The following COL15A1 variants were observed in gnomAD, a reference collection of about 807,000 sequenced individuals.
COL15A1 encodes the protein collagen alpha-1(XV) chain.
In COL15A1, 111 loss-of-function variants were observed where a neutral mutation model predicts 165.9. The observed-to-expected ratio is 0.67, with a 90% CI of 0.57 to 0.78. The LOEUF is 0.78. COL15A1 is among the 30% of genes least tolerant of loss of function. The pLI, the probability that COL15A1 is intolerant of heterozygous loss-of-function variation, is 0.00. For synonymous variants in COL15A1, 659 were observed against 674.8 expected (o/e 0.98, Z 0.36); for missense variants, 1,745 against 1,789.7 (o/e 0.98, Z 0.45).
intron 12 of COL15A1, among the ~76,000 whole-genome samples, chr9:99,021,010 G>C (rs1464605911): frequency 6.6e-6 from 1 of 152,210 alleles, no homozygotes; most frequent in Non-Finnish European, 1.5e-5. Context: ...CAGTCACTGC[G>C]GGAATAACAA....
chr9:99,020,443 G>T lies in COL15A1; in HGVS notation c.1701+1G>T, dbSNP rs139218633. On this transcript the variant is annotated splice_donor_variant, in intron 12 of 41. Coordinates refer to ENST00000375001, the MANE Select transcript of COL15A1 (RefSeq NM_001855.5). LOFTEE classifies it high-confidence loss of function. ...ACAGGCTGGGCCCAAAGGAGAAAAG[G>T]TTTGTGCTGTGACCATCCTGGGGAA... The T allele has an allele frequency of 1.0e-3, 1,609 of 1,608,310 alleles. 4 individuals carry two copies. The highest frequency in any genetic ancestry group is 3.4e-3 in the South Asian group (305 of 90,948).
At chr9:99,054,305 G>C (rs1291251660) in intron 31 of COL15A1, among the ~76,000 whole-genome samples, 1 of 152,208 alleles carries the variant, frequency 6.6e-6, no homozygotes, top group Non-Finnish European at 1.5e-5. Context: ...TGCGCTGCTG[G>C]AACCTCAGTG....
intron 17 of COL15A1, 46 bp downstream of exon 17, chr9:99,034,630 T>TCCAC: frequency 1.6e-6 from 2 of 1,288,226 alleles, no homozygotes; most frequent in Non-Finnish European, 2.0e-6. Context: ...TTCTTCTCCC[T>TCCAC]CCTCCCCTTT....
At chr9:98,956,546 G>C (rs534091140) in intron 2 of COL15A1, among the ~76,000 whole-genome samples, 1 of 151,914 alleles carries the variant, frequency 6.6e-6, no homozygotes, top group Non-Finnish European at 1.5e-5. Context: ...ATGTGTATCT[G>C]TGTGTGTATT....
intron 2 of COL15A1, among the ~76,000 whole-genome samples, chr9:98,972,759 G>A (rs959576978): frequency 6.6e-6 from 1 of 152,214 alleles, no homozygotes; most frequent in Non-Finnish European, 1.5e-5. Context: ...GCATATGAGA[G>A]CAAGGTGAAC....
intron 23 of COL15A1, chr9:99,041,274 A>G (rs1839400852): frequency 6.6e-6 from 1 of 152,290 alleles, no homozygotes; most frequent in Non-Finnish European, 1.5e-5. Flanking sequence ...AAACAATAAT[A>G]ACAAATAGTT....
intron 9 of COL15A1, among the ~76,000 whole-genome samples, chr9:99,008,952 T>C (rs555705945): frequency 1.3e-5 from 2 of 152,356 alleles, no homozygotes; most frequent in East Asian, 1.9e-4. Flanking sequence ...AGAAAAGTTT[T>C]CTTGGCTCCG....
intron 24 of COL15A1, among the ~76,000 whole-genome samples, chr9:99,042,863 A>G (rs1011554646): frequency 1.3e-4 from 20 of 152,120 alleles, no homozygotes; most frequent in African/African-American, 4.8e-4. Context: ...TAAGGGGGAG[A>G]GTGACGTCCA....
intron 16 of COL15A1, among the ~76,000 whole-genome samples, chr9:99,032,586 T>G (rs77441060): frequency 6.6e-6 from 1 of 152,240 alleles, no homozygotes; most frequent in South Asian, 2.1e-4. Flanking sequence ...TGGAGACTTC[T>G]GTGTTTTTTC....
chr9:99,069,116 C>A (rs1825941955), intron 41 of COL15A1, among the ~76,000 whole-genome samples: 1 of 152,214 alleles, frequency 6.6e-6, no homozygotes, highest in African/African-American at 2.4e-5. Flanking sequence ...AACCTCTCCT[C>A]ACTGCCTACT....
intron 12 of COL15A1, among the ~76,000 whole-genome samples, chr9:99,021,297 T>C (rs1199540039): frequency 6.6e-6 from 1 of 152,162 alleles, no homozygotes; most frequent in Non-Finnish European, 1.5e-5. Context: ...GGGCCAGGGC[T>C]GGGGAGGGCG....
chr9:99,068,004 C>T (rs995162926), intron 40 of COL15A1, among the ~76,000 whole-genome samples: 9 of 152,184 alleles, frequency 5.9e-5, no homozygotes, highest in Non-Finnish European at 1.3e-4. Flanking sequence ...GGCTTGTATA[C>T]ACTTCTAATA....
intron 5 of COL15A1, among the ~76,000 whole-genome samples, chr9:98,993,950 G>A (rs1254923525): frequency 6.6e-6 from 1 of 152,164 alleles, no homozygotes; most frequent in African/African-American, 2.4e-5. Flanking sequence ...AGTGGTCAGG[G>A]ACTACAAAGT....
intron 2 of COL15A1, among the ~76,000 whole-genome samples, chr9:98,955,529 C>A (rs1455157783): frequency 6.6e-6 from 1 of 151,934 alleles, no homozygotes; most frequent in Admixed American, 6.6e-5. Context: ...GCATTATGAA[C>A]CTTTGACCAG....
intron 2 of COL15A1, among the ~76,000 whole-genome samples, chr9:98,982,375 G>A (rs573299531): frequency 1.3e-5 from 2 of 152,280 alleles, no homozygotes; most frequent in Non-Finnish European, 2.9e-5. Context: ...TCCAAGCAAA[G>A]TCTTTGAAAT....
At chr9:98,957,803 C>G (rs1217172792) in intron 2 of COL15A1, among the ~76,000 whole-genome samples, 4 of 152,246 alleles carry the variant, frequency 2.6e-5, no homozygotes, top group Non-Finnish European at 5.9e-5. Flanking sequence ...CTCAGCCTCT[C>G]AAGTAGCTGG....
At chr9:98,979,918 G>T (rs1838208139) in intron 2 of COL15A1, among the ~76,000 whole-genome samples, 1 of 152,062 alleles carries the variant, frequency 6.6e-6, no homozygotes, top group Admixed American at 6.5e-5. Context: ...AGCATTTTGG[G>T]AGGCCGAGGC....
At chr9:99,054,677 A>T (rs1000790628) in intron 32 of COL15A1, 21 bp downstream of exon 32, 9 of 1,593,710 alleles carry the variant, frequency 5.6e-6, no homozygotes, top group Middle Eastern at 1.7e-4. Flanking sequence ...TCTTGTTCTC[A>T]ATCTTGCCTT....
chr9:98,989,294 C>T, intron 5 of COL15A1, 36 bp downstream of exon 5: 1 of 1,524,232 alleles, frequency 6.6e-7, no homozygotes, highest in Non-Finnish European at 9.1e-7. Flanking sequence ...TGATCTTGCT[C>T]AGCTTTTAGC....
Sources: allele counts gnomAD v4.1 joint callset (sites outside exome capture counted in the v4.1 genomes callset), GRCh38; gene constraint gnomAD v4.1.1; transcripts MANE v1.5; gene names NCBI Gene and HGNC (gene_info 2026-07-23, HGNC 2026-07-21).